PLCB1: variants seen among roughly 807,000 people sequenced by gnomAD.
The protein encoded by PLCB1 is 1-phosphatidylinositol 4,5-bisphosphate phosphodiesterase beta-1.
PLCB1 carries 46 observed loss-of-function variants against 161.8 expected under a neutral mutation model. The ratio of observed to expected loss-of-function variants is 0.28; its 90% CI spans 0.22 to 0.36. PLCB1 has a LOEUF of 0.36. PLCB1 is among the 10% of genes least tolerant of loss of function. The pLI is 1.00. For missense variants in PLCB1, 1,016 were observed against 1,472.5 expected, an observed-to-expected ratio of 0.69 and a Z score of 5.07; for synonymous variants, 517 against 503.7, an observed-to-expected ratio of 1.03 and a Z score of -0.35.
chr20:8,745,621 A>C (rs1981130950), intron 23 of PLCB1, among the ~76,000 whole-genome samples: 1 of 151,888 alleles, frequency 6.6e-6, no homozygotes, highest in Non-Finnish European at 1.5e-5. Flanking sequence ...TATGTGTATA[A>C]TATATGTATA....
chr20:8,636,334 C>A (rs1988762268), intron 4 of PLCB1, among the ~76,000 whole-genome samples: 1 of 152,040 alleles, frequency 6.6e-6, no homozygotes, highest in Non-Finnish European at 1.5e-5. Flanking sequence ...TAAAAAGGAC[C>A]AAATTCTTAC....
At chr20:8,878,901 G>A (rs1367568792) in intron 31 of PLCB1, among the ~76,000 whole-genome samples, 1 of 152,008 alleles carries the variant, frequency 6.6e-6, no homozygotes, top group Non-Finnish European at 1.5e-5. Context: ...GAATGATCCT[G>A]TCACAAAAAT....
At chr20:8,212,250 A>C (rs6055652) in intron 2 of PLCB1, among the ~76,000 whole-genome samples, 39,145 of 152,012 alleles carry the variant, frequency 0.26, 5,109 homozygotes, top group South Asian at 0.35. Context: ...CTTTATTTTC[A>C]AGCAAATCAA....
intron 2 of PLCB1, among the ~76,000 whole-genome samples, chr20:8,261,743 AG>A (rs1207967385): frequency 3.9e-5 from 6 of 152,224 alleles, no homozygotes; most frequent in African/African-American, 1.4e-4. Flanking sequence ...AACAATTGAA[AG>A]GACAAAAACA....
Position 8,469,881 on chromosome 20 carries a change from A to T in PLCB1, c.246+98431A>T, listed in dbSNP as rs549832840. The stretch of plus-strand genomic sequence containing the variant: ...ACCATCACTACAATGTAATTTTAGA[A>T]CATTTTGTTACTTCCAAAAGAAACC... On this transcript the variant is annotated intron_variant, in intron 3 of 31. Transcript: ENST00000338037. 1.3e-4 allele frequency among the ~76,000 whole-genome samples: 20 copies of T among 152,308 alleles called. 1 individual carries two copies. The South Asian group carries it at 4.1e-3, about 32-fold the overall frequency.
intron 12 of PLCB1, among the ~76,000 whole-genome samples, chr20:8,714,143 A>T (rs1462419999): frequency 3.9e-5 from 6 of 152,032 alleles, no homozygotes; most frequent in Non-Finnish European, 1.5e-5. Flanking sequence ...TTGAACACAC[A>T]CCAGAATCAA....
rs564263192 is a variant in PLCB1 at position 8,443,128 on chromosome 20, C to T, written c.246+71678C>T. ...TCGAGTAGCTGGGACCACAGGTGTG[C>T]GTCACCACACCCAGCTAATATTTTT... On this transcript the variant is annotated intron_variant, in intron 3 of 31. Transcript: ENST00000338037. Among the ~76,000 whole-genome samples, 16 of 151,980 alleles carry T rather than the reference C, an allele frequency of 1.1e-4. 1 individual carries two copies. The highest frequency in any genetic ancestry group is 3.6e-4 in the African/African-American group (15 of 41,452).
chr20:8,756,358 G>A lies in PLCB1; in HGVS notation c.2524-688G>A, dbSNP rs1038230154. Among the ~76,000 whole-genome samples, 4 of 152,110 alleles carry A rather than the reference G, an allele frequency of 2.6e-5. No homozygotes were observed. In the East Asian group the frequency reaches 7.7e-4, roughly 29 times the overall value. ...AAATCACACTGCTGGTAAATTGCAG[G>A]GCCAGAATCTGAACCCAGGCAAGCT... On this transcript the variant is annotated intron_variant, in intron 23 of 31. Coordinates refer to ENST00000338037, the MANE Select transcript of PLCB1 (RefSeq NM_015192.4).
intron 2 of PLCB1, among the ~76,000 whole-genome samples, chr20:8,151,639 G>A (rs1210605524): frequency 6.6e-6 from 1 of 152,138 alleles, no homozygotes; most frequent in Non-Finnish European, 1.5e-5. Context: ...CTGCTGTTAT[G>A]TGTAAAACAA....
At chr20:8,702,760 A>G (rs1008424899) in intron 11 of PLCB1, among the ~76,000 whole-genome samples, 1 of 152,194 alleles carries the variant, frequency 6.6e-6, no homozygotes, top group African/African-American at 2.4e-5. Context: ...ATGTCCACCA[A>G]TTACAGCAAG....
At chr20:8,660,553 G>T (rs765336731) in intron 9 of PLCB1, among the ~76,000 whole-genome samples, 1 of 152,070 alleles carries the variant, frequency 6.6e-6, no homozygotes, top group African/African-American at 2.4e-5. Flanking sequence ...GGTATCCAAT[G>T]CCTCCATACA....
At chr20:8,380,553 A>C (rs1279672952) in intron 3 of PLCB1, among the ~76,000 whole-genome samples, 1 of 152,304 alleles carries the variant, frequency 6.6e-6, no homozygotes, top group East Asian at 1.9e-4. Flanking sequence ...GGACATTTTC[A>C]TGATATTGAT....
chr20:8,760,367 A>G, intron 24 of PLCB1, 40 bp from the exon 25 acceptor site: 1 of 1,301,384 alleles, frequency 7.7e-7, no homozygotes, highest in South Asian at 1.3e-5. Flanking sequence ...TAAAATTTAA[A>G]AAGTTGAAGA....
At chr20:8,590,914 C>T (rs1987129674) in intron 3 of PLCB1, among the ~76,000 whole-genome samples, 1 of 152,058 alleles carries the variant, frequency 6.6e-6, no homozygotes, top group African/African-American at 2.4e-5. Flanking sequence ...CACCTATCAA[C>T]CCATCACCTA....
chr20:8,861,881 A>T (rs1238973695), intron 31 of PLCB1, among the ~76,000 whole-genome samples: 3 of 152,190 alleles, frequency 2.0e-5, no homozygotes, highest in African/African-American at 7.2e-5. Flanking sequence ...TATTGGAAAA[A>T]CAATGAAAAT....
chr20:8,477,466 A>G (rs918387031), intron 3 of PLCB1, among the ~76,000 whole-genome samples: 4 of 152,248 alleles, frequency 2.6e-5, no homozygotes, highest in African/African-American at 9.6e-5. Flanking sequence ...GAGAACACCA[A>G]AAATGTATCA....
At chr20:8,846,211 G>T (rs776046168) in intron 31 of PLCB1, among the ~76,000 whole-genome samples, 3 of 151,996 alleles carry the variant, frequency 2.0e-5, no homozygotes, top group Non-Finnish European at 2.9e-5. Context: ...AAAGGGGGAG[G>T]TGCCACATAC....
intron 20 of PLCB1, among the ~76,000 whole-genome samples, chr20:8,738,844 T>C (rs552657770): frequency 3.3e-5 from 5 of 152,306 alleles, no homozygotes; most frequent in African/African-American, 1.2e-4. Context: ...TAGAAACTTC[T>C]AGTTGGATCT....
intron 2 of PLCB1, among the ~76,000 whole-genome samples, chr20:8,204,752 T>G (rs540378360): frequency 9.2e-5 from 14 of 152,182 alleles, no homozygotes; most frequent in Non-Finnish European, 1.3e-4. Flanking sequence ...GTCTCAGGTA[T>G]TTCTTTATAG....
Sources: allele counts gnomAD v4.1 joint callset (sites outside exome capture counted in the v4.1 genomes callset), GRCh38; gene constraint gnomAD v4.1.1; transcripts MANE v1.5; gene names NCBI Gene and HGNC (gene_info 2026-07-23, HGNC 2026-07-21).